GALNTL6: variants seen among roughly 807,000 people sequenced by gnomAD.
GALNTL6 encodes the protein polypeptide N-acetylgalactosaminyltransferase like 6, also known as polypeptide N-acetylgalactosaminyltransferase-like 6.
GALNTL6 carries 46 observed loss-of-function variants against 73.7 expected under a neutral mutation model. The observed-to-expected ratio is 0.62, with a 90% confidence interval of 0.49 to 0.80. The LOEUF (loss-of-function observed/expected upper bound fraction) is 0.80. Among genes scored for constraint, GALNTL6 ranks in the 30% least tolerant of loss-of-function variants. The probability of loss-of-function intolerance (pLI) is 0.00; values close to 1 mark genes in which losing one functional copy is unlikely to be tolerated. For synonymous variants in GALNTL6, 259 were observed against 263.7 expected, an observed-to-expected ratio of 0.98 and a Z score of 0.17; for missense variants, 604 against 755.0, an observed-to-expected ratio of 0.80 and a Z score of 2.34.
intron 3 of GALNTL6, among the ~76,000 whole-genome samples, chr4:172,281,131 T>G (rs1739036399): frequency 6.6e-6 from 1 of 151,918 alleles, no homozygotes; most frequent in Admixed American, 6.6e-5. Flanking sequence ...ATCGCACCAC[T>G]GCACACTCCA....
intron 3 of GALNTL6, among the ~76,000 whole-genome samples, chr4:172,233,783 A>G (rs1737151819): frequency 6.6e-6 from 1 of 152,070 alleles, no homozygotes. Context: ...TCGGTTTTAA[A>G]TTTCACATTA....
In GALNTL6 at chr4:172,071,468, C is replaced by A. The variant is rs1244372017; in HGVS notation, c.139-158188C>A. ...GTTAGCTTGTCTCATGTTCCTTGTACCCTACAATGTCACAAAAAACAAAGC... is the reference window on the plus strand; with the variant it reads ...GTTAGCTTGTCTCATGTTCCTTGTAACCTACAATGTCACAAAAAACAAAGC... On this transcript the variant is annotated intron_variant, in intron 2 of 12. Transcript: ENST00000506823. Among the ~76,000 whole-genome samples, 2 of 110,630 alleles carry A rather than the reference C, an allele frequency of 1.8e-5. 1 individual carries two copies. The highest frequency in any genetic ancestry group is 4.0e-5 in the Non-Finnish European group (2 of 49,564). 72.6% of individuals were successfully genotyped at this position (110,630 alleles called of 152,430 possible).
chr4:171,842,686 G>A (rs1560809781), intron 2 of GALNTL6, among the ~76,000 whole-genome samples: 1 of 151,992 alleles, frequency 6.6e-6, no homozygotes, highest in East Asian at 1.9e-4. Flanking sequence ...GATCCCCAGT[G>A]AACTAACTGA....
chr4:172,328,648 T>C (rs936766504), intron 4 of GALNTL6, among the ~76,000 whole-genome samples: 155 of 152,318 alleles, frequency 1.0e-3, no homozygotes, highest in African/African-American at 3.5e-3. Flanking sequence ...AGTCTTCAAG[T>C]TCTGAGATTC....
intron 2 of GALNTL6, among the ~76,000 whole-genome samples, chr4:172,060,792 A>G (rs1237066635): frequency 6.6e-6 from 1 of 152,208 alleles, no homozygotes; most frequent in Admixed American, 6.5e-5. Flanking sequence ...ACATAGAAAT[A>G]ACATTTTTCT....
intron 8 of GALNTL6, among the ~76,000 whole-genome samples, chr4:172,911,436 T>C (rs1013178063): frequency 1.3e-5 from 2 of 152,170 alleles, no homozygotes; most frequent in Non-Finnish European, 2.9e-5. Flanking sequence ...TAAGTCAAAG[T>C]GTAGTTGCAT....
At chr4:172,761,777 C>T (rs963594422) in intron 5 of GALNTL6, among the ~76,000 whole-genome samples, 8 of 152,002 alleles carry the variant, frequency 5.3e-5, no homozygotes, top group African/African-American at 1.9e-4. Flanking sequence ...TTCCTGAGGC[C>T]TCCTAGTCAT....
intron 2 of GALNTL6, among the ~76,000 whole-genome samples, chr4:171,966,088 G>C (rs559713430): frequency 5.3e-5 from 8 of 151,990 alleles, no homozygotes; most frequent in Non-Finnish European, 1.2e-4. Context: ...TTTGAGAGTA[G>C]GAAACCCTGA....
intron 2 of GALNTL6, among the ~76,000 whole-genome samples, chr4:171,960,751 G>A (rs150993816): frequency 2.0e-5 from 3 of 149,380 alleles, no homozygotes; most frequent in African/African-American, 7.5e-5. Flanking sequence ...AACCTTACTA[G>A]GAAGGTAAAT....
At chr4:172,696,899 A>C (rs1733730899) in intron 5 of GALNTL6, among the ~76,000 whole-genome samples, 1 of 152,230 alleles carries the variant, frequency 6.6e-6, no homozygotes, top group South Asian at 2.1e-4. Flanking sequence ...AATTATTCTC[A>C]TAGTAACTGG....
intron 5 of GALNTL6, among the ~76,000 whole-genome samples, chr4:172,625,731 T>A (rs1323764789): frequency 6.6e-6 from 1 of 152,134 alleles, no homozygotes; most frequent in Non-Finnish European, 1.5e-5. Flanking sequence ...TGGTGTGAGA[T>A]AGTATCTCAT....
In GALNTL6 at chr4:172,006,489, T is replaced by C. The variant is rs1435844361; in HGVS notation, c.138+191771T>C. 3.3e-5 allele frequency among the ~76,000 whole-genome samples: 5 copies of C among 151,980 alleles called. 1 individual carries two copies. The highest frequency in any genetic ancestry group is 1.2e-4 in the African/African-American group (5 of 41,362). On this transcript the variant is annotated intron_variant, in intron 2 of 12. Coordinates refer to ENST00000506823, the MANE Select transcript of GALNTL6 (RefSeq NM_001034845.3). ...CAATAAAATAGAAAGCTAGCCAAGGTGGTGGTGCACACCTGCAGTCCCAGC... is the reference window on the plus strand; with the variant it reads ...CAATAAAATAGAAAGCTAGCCAAGGCGGTGGTGCACACCTGCAGTCCCAGC...
At chr4:172,695,961 A>G (rs1433470834) in intron 5 of GALNTL6, among the ~76,000 whole-genome samples, 1 of 152,206 alleles carries the variant, frequency 6.6e-6, no homozygotes, top group East Asian at 1.9e-4. Context: ...TCAAAAAAAA[A>G]AAGAAATTGT....
intron 5 of GALNTL6, among the ~76,000 whole-genome samples, chr4:172,493,082 T>C (rs1296364322): frequency 6.6e-6 from 1 of 152,146 alleles, no homozygotes; most frequent in African/African-American, 2.4e-5. Context: ...ATATGTAACA[T>C]TTAAGAGAAC....
intron 2 of GALNTL6, among the ~76,000 whole-genome samples, chr4:171,900,398 C>G (rs1737050190): frequency 6.6e-6 from 1 of 152,048 alleles, no homozygotes; most frequent in African/African-American, 2.4e-5. Flanking sequence ...ACCTCTGCCT[C>G]CCAGGTTCAA....
chr4:171,998,607 G>A (rs1740571588), intron 2 of GALNTL6, among the ~76,000 whole-genome samples: 1 of 152,082 alleles, frequency 6.6e-6, no homozygotes, highest in South Asian at 2.1e-4. Flanking sequence ...CCATCCAAAA[G>A]TGAAATTTAT....
At chr4:172,538,923 A>G (rs754503634) in intron 5 of GALNTL6, among the ~76,000 whole-genome samples, 1 of 152,194 alleles carries the variant, frequency 6.6e-6, no homozygotes, top group African/African-American at 2.4e-5. Flanking sequence ...TAGAAGTGTA[A>G]TCCAAGGAGA....
chr4:171,907,547 A>G (rs1476168047), intron 2 of GALNTL6, among the ~76,000 whole-genome samples: 3 of 152,046 alleles, frequency 2.0e-5, no homozygotes, highest in Non-Finnish European at 4.4e-5. Flanking sequence ...AAGAATCAAT[A>G]TCGTGAAAAT....
intron 2 of GALNTL6, among the ~76,000 whole-genome samples, chr4:171,837,850 A>G (rs1465997795): frequency 2.6e-5 from 4 of 150,944 alleles, no homozygotes; most frequent in African/African-American, 9.7e-5. Flanking sequence ...CTCTCCTACA[A>G]AATCATCCCT....
Sources: allele counts gnomAD v4.1 joint callset (sites outside exome capture counted in the v4.1 genomes callset), GRCh38; gene constraint gnomAD v4.1.1; transcripts MANE v1.5; gene names NCBI Gene and HGNC (gene_info 2026-07-23, HGNC 2026-07-21).